The following CSGALNACT1 variants were observed in gnomAD, a reference collection of about 807,000 sequenced individuals.
CSGALNACT1 encodes chondroitin sulfate N-acetylgalactosaminyltransferase 1.
A neutral mutation model predicts 51.0 loss-of-function variants in CSGALNACT1; 52 were observed. The observed-to-expected ratio is 1.02, with a 90% CI of 0.82 to 1.29. The LOEUF (loss-of-function observed/expected upper bound fraction) is 1.29. CSGALNACT1 is among the 50% of genes most tolerant of loss of function. CSGALNACT1 has a pLI of 0.00. For missense variants in CSGALNACT1, 935 were observed against 679.2 expected (o/e 1.38, Z -4.19); for synonymous variants, 341 against 254.4 (o/e 1.34, Z -3.24).
intron 1 of CSGALNACT1, among the ~76,000 whole-genome samples, chr8:19,635,117 T>C (rs537799057): frequency 9.9e-5 from 15 of 152,164 alleles, no homozygotes; most frequent in Non-Finnish European, 2.2e-4. Context: ...ATAAGATCTG[T>C]TTACCTCCTC....
At chr8:19,540,197 A>G (rs146220855) in intron 3 of CSGALNACT1, among the ~76,000 whole-genome samples, 86 of 152,366 alleles carry the variant, frequency 5.6e-4, no homozygotes, top group African/African-American at 1.9e-3. Context: ...CTTCCAAAAT[A>G]GTCTAATGAC....
chr8:19,692,462 G>T (rs555483154), intron 1 of CSGALNACT1, among the ~76,000 whole-genome samples: 6 of 152,156 alleles, frequency 3.9e-5, no homozygotes, highest in Non-Finnish European at 5.9e-5. Context: ...CAATGTCTAC[G>T]CTCATGGTAA....
chr8:19,453,306 G>T (rs578210493), intron 5 of CSGALNACT1, among the ~76,000 whole-genome samples: 4 of 152,020 alleles, frequency 2.6e-5, no homozygotes, highest in Admixed American at 6.6e-5. Context: ...CTGTGTGCTC[G>T]GAAAATAAAT....
At chr8:19,659,791 C>T (rs538815025) in intron 1 of CSGALNACT1, among the ~76,000 whole-genome samples, 3 of 152,256 alleles carry the variant, frequency 2.0e-5, no homozygotes, top group African/African-American at 7.2e-5. Context: ...CACTGTCTGC[C>T]CAGACTGTGA....
At chr8:19,659,712 A>G (rs2058601278) in intron 1 of CSGALNACT1, among the ~76,000 whole-genome samples, 2 of 152,202 alleles carry the variant, frequency 1.3e-5, no homozygotes, top group African/African-American at 4.8e-5. Context: ...ATTATTGGCT[A>G]AAGGCTGGCA....
chr8:19,741,588 T>C (rs959178178), intron 1 of CSGALNACT1, among the ~76,000 whole-genome samples: 1 of 149,378 alleles, frequency 6.7e-6, no homozygotes, highest in Non-Finnish European at 1.5e-5. Flanking sequence ...AAGGGAGTCT[T>C]AGCCAAAAGA....
intron 4 of CSGALNACT1, among the ~76,000 whole-genome samples, chr8:19,500,817 T>C (rs1219281264): frequency 1.3e-5 from 2 of 152,178 alleles, no homozygotes; most frequent in Admixed American, 6.5e-5. Context: ...GGCTGGGTTA[T>C]TTACAAAGAA....
chr8:19,611,432 T>C (rs1158987757), intron 1 of CSGALNACT1, among the ~76,000 whole-genome samples: 1 of 152,232 alleles, frequency 6.6e-6, no homozygotes, highest in Non-Finnish European at 1.5e-5. Context: ...ATTGGGCACT[T>C]GCTGTAAACC....
chr8:19,433,268 A>T (rs2059907739), intron 6 of CSGALNACT1, among the ~76,000 whole-genome samples: 1 of 152,218 alleles, frequency 6.6e-6, no homozygotes, highest in African/African-American at 2.4e-5. Flanking sequence ...GCACTCAGCC[A>T]GGCAATCAAT....
At chr8:19,461,170 T>A (rs2153822644) in intron 4 of CSGALNACT1, among the ~76,000 whole-genome samples, 1 of 152,256 alleles carries the variant, frequency 6.6e-6, no homozygotes, top group South Asian at 2.1e-4. Flanking sequence ...GATTTCAAAG[T>A]CCCAGAGGGA....
intron 1 of CSGALNACT1, among the ~76,000 whole-genome samples, chr8:19,627,165 G>A (rs2054560163): frequency 6.6e-6 from 1 of 152,144 alleles, no homozygotes; most frequent in South Asian, 2.1e-4. Flanking sequence ...CTTTCAGAGA[G>A]TAAACAAACT....
intron 3 of CSGALNACT1, among the ~76,000 whole-genome samples, chr8:19,525,439 A>C (rs934231680): frequency 1.3e-5 from 2 of 150,970 alleles, no homozygotes; most frequent in African/African-American, 4.9e-5. Flanking sequence ...CCCCACCTCT[A>C]CTAAAAAATA....
intron 9 of CSGALNACT1, among the ~76,000 whole-genome samples, chr8:19,406,661 A>T (rs889828050): frequency 6.9e-6 from 1 of 145,142 alleles, no homozygotes; most frequent in Non-Finnish European, 1.5e-5. Flanking sequence ...GAGCTTCTAC[A>T]CCATCCCCAC....
chr8:19,404,343 G>A (rs924989741), exon 10 of CSGALNACT1: 1 of 453,552 alleles, frequency 2.2e-6, no homozygotes, highest in East Asian at 7.0e-5. Flanking sequence ...CAGAAGCAAG[G>A]ACTCAAAGAG....
chr8:19,649,218 T>C (rs781286110), intron 1 of CSGALNACT1, among the ~76,000 whole-genome samples: 1 of 152,162 alleles, frequency 6.6e-6, no homozygotes, highest in Non-Finnish European at 1.5e-5. Context: ...TTGCCCAGGA[T>C]CACAAAGTTG....
intron 5 of CSGALNACT1, among the ~76,000 whole-genome samples, chr8:19,444,061 G>C (rs997874228): frequency 6.6e-6 from 1 of 152,174 alleles, no homozygotes; most frequent in East Asian, 1.9e-4. Context: ...TGGCACTCAG[G>C]TGGTAATGCT....
intron 3 of CSGALNACT1, among the ~76,000 whole-genome samples, chr8:19,550,349 C>A (rs2087683343): frequency 6.6e-6 from 1 of 152,116 alleles, no homozygotes; most frequent in African/African-American, 2.4e-5. Context: ...TCCTCCTCTG[C>A]CATGTTTTCC....
Position 19,414,122 on chromosome 8 carries a change from T to C in CSGALNACT1, c.1227+4534A>G, listed in dbSNP as rs185026745. ...GGCCACGGTGGGAGTATTTACACCA[T>C]GGAAATTGGCAAATGCTATAAATCA... On this transcript the variant is annotated intron_variant, in intron 8 of 9. Coordinates refer to ENST00000454498, the Ensembl canonical transcript of CSGALNACT1. 4.0e-3 allele frequency among the ~76,000 whole-genome samples: 606 copies of C among 152,184 alleles called. 1 individual carries two copies. Among genetic ancestry groups the C allele is most frequent in the Non-Finnish European group, 5.8e-3 (392 of 68,004 alleles).
At chr8:19,740,036 C>T (rs1230197517) in intron 1 of CSGALNACT1, among the ~76,000 whole-genome samples, 1 of 152,088 alleles carries the variant, frequency 6.6e-6, no homozygotes, top group Non-Finnish European at 1.5e-5. Flanking sequence ...AACCAAAATC[C>T]CTGTGATGTG....
Sources: allele counts gnomAD v4.1 joint callset (sites outside exome capture counted in the v4.1 genomes callset), GRCh38; gene constraint gnomAD v4.1.1; transcripts MANE v1.5; gene names NCBI Gene and HGNC (gene_info 2026-07-23, HGNC 2026-07-21).